IMPG2: variants seen among roughly 807,000 people sequenced by gnomAD.
IMPG2 encodes interphotoreceptor matrix proteoglycan 2.
Under a neutral mutation model 129.2 loss-of-function variants are expected in IMPG2, and 91 were observed. That is an observed-to-expected ratio of 0.70 (90% CI 0.59 to 0.84). The LOEUF is 0.84. Ranked by LOEUF, IMPG2 falls within the 40% of genes least tolerant of loss-of-function variation. The pLI is 0.00. For synonymous variants in IMPG2, 510 were observed against 517.7 expected, an observed-to-expected ratio of 0.99 and a Z score of 0.20; for missense variants, 1,430 against 1,461.7, an observed-to-expected ratio of 0.98 and a Z score of 0.35.
At chr3:101,281,187 G>T (rs1284270130) in intron 4 of IMPG2, among the ~76,000 whole-genome samples, 1 of 152,142 alleles carries the variant, frequency 6.6e-6, no homozygotes, top group Admixed American at 6.5e-5. Context: ...TCGTTATTGG[G>T]GATGTAACCG....
At chr3:101,273,771 G>T in intron 6 of IMPG2, 29 bp from the exon 7 acceptor site, 1 of 1,599,340 alleles carries the variant, frequency 6.3e-7, no homozygotes, top group Non-Finnish European at 8.6e-7. Context: ...AACAATAAAT[G>T]TCAAGGCTTA....
intron 11 of IMPG2, 57 bp downstream of exon 11, chr3:101,253,639 A>G (rs1576752175): frequency 8.7e-7 from 1 of 1,144,392 alleles, no homozygotes; most frequent in East Asian, 2.4e-5. Flanking sequence ...AAGCAGGTGC[A>G]GGAAGAAAGA....
intron 3 of IMPG2, among the ~76,000 whole-genome samples, chr3:101,299,618 CTGTT>C (rs887181567): frequency 4.2e-4 from 64 of 152,018 alleles, no homozygotes; most frequent in African/African-American, 1.4e-3. Flanking sequence ...TTGTTGTTTT[CTGTT>C]TGTTTGTTTT....
chr3:101,232,559 T>G (rs1706300893), intron 15 of IMPG2, among the ~76,000 whole-genome samples: 1 of 151,310 alleles, frequency 6.6e-6, no homozygotes, highest in Non-Finnish European at 1.5e-5. Context: ...TTTAGACAAT[T>G]TTTTTTTTGC....
intron 2 of IMPG2, among the ~76,000 whole-genome samples, chr3:101,315,017 C>T (rs1369511250): frequency 6.6e-6 from 1 of 152,124 alleles, no homozygotes; most frequent in Non-Finnish European, 1.5e-5. Flanking sequence ...ACTCTCCCAG[C>T]TCCCTTCAGC....
intron 15 of IMPG2, 86 bp from the exon 16 acceptor site, chr3:101,231,231 G>T: frequency 1.6e-6 from 2 of 1,226,000 alleles, no homozygotes; most frequent in Middle Eastern, 2.6e-4. Flanking sequence ...GGGACTAGAG[G>T]AAAGTAGAGA....
Position 101,226,882 on chromosome 3 carries a change from T to G in IMPG2, c.*87A>C, listed in dbSNP as rs541882688. 1 of 1,403,926 alleles carries G rather than the reference T, an allele frequency of 7.1e-7. No homozygotes were observed. The highest frequency in any genetic ancestry group is 1.2e-5 in the South Asian group (1 of 83,894). The allele number at this position is 1,403,926 out of a possible 1,614,324, so 87.0% of individuals were successfully genotyped here. A position where few individuals can be genotyped will look rare whatever the true frequency, so the allele number is the denominator to read the frequency against. On this transcript the variant is annotated 3_prime_UTR_variant, in exon 19 of 19. Transcript: ENST00000193391. ...AGAAAACTCTTCTTCCAACAGTGTTTAAAATCCAGGTTAATTATATGACAT... is the reference window on the plus strand; with the variant it reads ...AGAAAACTCTTCTTCCAACAGTGTTGAAAATCCAGGTTAATTATATGACAT...
At chr3:101,254,484 T>C (rs1706577824) in intron 10 of IMPG2, among the ~76,000 whole-genome samples, 1 of 152,184 alleles carries the variant, frequency 6.6e-6, no homozygotes, top group Admixed American at 6.5e-5. Flanking sequence ...TAGCTGATTT[T>C]GCCCACGGGG....
At position 101,293,787 on chromosome 3, in the gene IMPG2, G is replaced by T. The variant is rs552049909; in HGVS notation, c.502-2277C>A. ...TTCTAGACAACTTGCTACAGCTTCT[G>T]CATCAGCACTTGCTTATGTTATAAA... On this transcript the variant is annotated intron_variant, in intron 3 of 18. Coordinates refer to ENST00000193391, the MANE Select transcript of IMPG2 (RefSeq NM_016247.4). Among the ~76,000 whole-genome samples, 14 of 152,288 alleles carry T rather than the reference G, an allele frequency of 9.2e-5. No individual in the cohort carries two copies. In the South Asian group the frequency reaches 2.9e-3, roughly 32 times the overall value.
chr3:101,247,097 TAA>T (rs11435767), intron 11 of IMPG2, among the ~76,000 whole-genome samples: 8 of 143,314 alleles, frequency 5.6e-5, no homozygotes, highest in African/African-American at 2.0e-4. Context: ...CATTGTCTCT[TAA>T]AAAAAAAAAA....
chr3:101,288,249 C>T (rs1416857714), intron 4 of IMPG2, among the ~76,000 whole-genome samples: 1 of 152,002 alleles, frequency 6.6e-6, no homozygotes, highest in Non-Finnish European at 1.5e-5. Context: ...GATGAGGTTG[C>T]AGAGAAAAAG....
At chr3:101,273,825 G>T in intron 6 of IMPG2, 83 bp from the exon 7 acceptor site, 1 of 1,342,300 alleles carries the variant, frequency 7.4e-7, no homozygotes, top group Non-Finnish European at 1.1e-6. Context: ...CAATGTGTCA[G>T]AACTGTGCTA....
chr3:101,237,924 C>T (rs1032678763), intron 14 of IMPG2, among the ~76,000 whole-genome samples: 11 of 151,804 alleles, frequency 7.2e-5, no homozygotes, highest in South Asian at 2.1e-4. Flanking sequence ...CAAACTCCTG[C>T]GAGCTAAAGA....
At chr3:101,297,424 G>T (rs1216866981) in intron 3 of IMPG2, among the ~76,000 whole-genome samples, 1 of 151,502 alleles carries the variant, frequency 6.6e-6, no homozygotes, top group African/African-American at 2.4e-5. Context: ...GATCTTAGTT[G>T]TTTCTTGTGT....
In IMPG2 at chr3:101,244,597, G is replaced by A. The variant is rs916675970; in HGVS notation, c.1734C>T (p.Asp578=). 7.5e-6 allele frequency: 12 copies of A among 1,598,136 alleles called. No individual in the cohort carries two copies. The East Asian group carries it at 1.6e-4, about 21-fold the overall frequency. Residue 578 remains aspartate, a synonymous_variant, in exon 13 of 19, where the codon GAC becomes GAT. Transcript: ENST00000193391. ...GLDSLTSKVK[D]QLKVSPFLPD... Reference sequence around the variant, plus strand: ...GCAGGAAAGGGCTCACTTTTAATTGGTCTTTGACTTTGGAGGTCAAGGAGT... The same window carrying A: ...GCAGGAAAGGGCTCACTTTTAATTGATCTTTGACTTTGGAGGTCAAGGAGT...
In IMPG2 at chr3:101,293,490, A is replaced by G. The variant is rs146065404; in HGVS notation, c.502-1980T>C. 6.6e-4 allele frequency among the ~76,000 whole-genome samples: 101 copies of G among 152,242 alleles called. No individual in the cohort carries two copies. The East Asian group carries it at 0.016, about 24-fold the overall frequency. Reference sequence around the variant, plus strand: ...TGGTGCCATCAGACTTTTTTGTTCCATTTATAGAGCATAAGTAGAGTAGAT... The same window carrying G: ...TGGTGCCATCAGACTTTTTTGTTCCGTTTATAGAGCATAAGTAGAGTAGAT... On this transcript the variant is annotated intron_variant, in intron 3 of 18. Coordinates refer to ENST00000193391, the MANE Select transcript of IMPG2 (RefSeq NM_016247.4).
intron 10 of IMPG2, 67 bp from the exon 11 acceptor site, chr3:101,253,848 A>C: frequency 9.3e-7 from 1 of 1,080,274 alleles, no homozygotes; most frequent in Non-Finnish European, 1.4e-6. Flanking sequence ...GTGCAGGGAC[A>C]ACTGAAAGTC....
At chr3:101,251,745 A>G (rs935586676) in intron 11 of IMPG2, among the ~76,000 whole-genome samples, 9 of 152,088 alleles carry the variant, frequency 5.9e-5, no homozygotes, top group African/African-American at 1.9e-4. Flanking sequence ...TTTATTACTA[A>G]TAATAAAAAC....
chr3:101,268,936 T>C (rs1334431910), intron 8 of IMPG2, among the ~76,000 whole-genome samples: 4 of 152,172 alleles, frequency 2.6e-5, no homozygotes, highest in Non-Finnish European at 5.9e-5. Context: ...ATATCTATCC[T>C]GAGAGGGCTG....
Sources: allele counts gnomAD v4.1 joint callset (sites outside exome capture counted in the v4.1 genomes callset), GRCh38; gene constraint gnomAD v4.1.1; transcripts MANE v1.5; gene names NCBI Gene and HGNC (gene_info 2026-07-23, HGNC 2026-07-21).